The following TTC23L variants were observed in gnomAD, a reference collection of about 807,000 sequenced individuals.
The protein encoded by TTC23L is tetratricopeptide repeat protein 23-like.
Under a neutral mutation model 48.1 loss-of-function variants are expected in TTC23L, and 42 were observed. The ratio of observed to expected loss-of-function variants is 0.87; its 90% CI spans 0.68 to 1.13. The LOEUF is 1.13. Among genes scored for constraint, TTC23L ranks in the 50% most tolerant of loss-of-function variants. The pLI, the probability that TTC23L is intolerant of heterozygous loss-of-function variation, is 0.00. For missense variants in TTC23L, 391 were observed against 421.0 expected (o/e 0.93, Z 0.62); for synonymous variants, 159 against 157.2 (o/e 1.01, Z -0.09).
chr5:34,925,177 A>C, the TTC23L span: 63 of 1,500,312 alleles, frequency 4.2e-5, no homozygotes, highest in Non-Finnish European at 5.6e-5. Context: ...CTTATATAAA[A>C]TGTTTATTTT....
intron 8 of TTC23L, chr5:34,869,561 C>T (rs929586123): frequency 6.2e-6 from 1 of 162,048 alleles, no homozygotes; most frequent in Non-Finnish European, 1.4e-5. Flanking sequence ...GGGAGAGACA[C>T]AAATGAACCA....
At chr5:34,866,096 A>G (rs1761031918) in intron 6 of TTC23L, among the ~76,000 whole-genome samples, 1 of 152,228 alleles carries the variant, frequency 6.6e-6, no homozygotes, top group South Asian at 2.1e-4. Flanking sequence ...GTCTCTGGAA[A>G]GATAAACCTC....
chr5:34,914,149 T>C, the TTC23L span: 8 of 320,428 alleles, frequency 2.5e-5, no homozygotes, highest in Non-Finnish European at 3.8e-5. Flanking sequence ...AAATATTACT[T>C]TGGAAGAACA....
At chr5:34,865,632 T>C (rs1046089234) in intron 6 of TTC23L, among the ~76,000 whole-genome samples, 5 of 152,264 alleles carry the variant, frequency 3.3e-5, no homozygotes, top group African/African-American at 1.2e-4. Flanking sequence ...AACTACATAC[T>C]AGACACTGTT....
At chr5:34,896,713 C>G in intron 9 of TTC23L, 57 bp from the exon 10 acceptor site, 2 of 756,380 alleles carry the variant, frequency 2.6e-6, no homozygotes, top group Admixed American at 3.6e-5. Context: ...GAGAGACAAT[C>G]TATGAGAATT....
chr5:34,913,128 C>T, the TTC23L span, among the ~76,000 whole-genome samples: 444 of 152,142 alleles, frequency 2.9e-3, 15 homozygotes, highest in East Asian at 0.048. Context: ...CACTAACTAG[C>T]GGAGTAATTC....
intron 7 of TTC23L, chr5:34,868,178 T>C (rs1240547791): frequency 6.6e-6 from 1 of 152,148 alleles, no homozygotes; most frequent in African/African-American, 2.4e-5. Flanking sequence ...AGCTAAGAAA[T>C]AGTAAAGCAG....
intron 9 of TTC23L, among the ~76,000 whole-genome samples, chr5:34,895,996 A>G (rs934198685): frequency 1.3e-5 from 2 of 152,220 alleles, no homozygotes; most frequent in Admixed American, 1.3e-4. Flanking sequence ...TGAGGAGCAC[A>G]ATCTGCTCCA....
intron 1 of TTC23L, among the ~76,000 whole-genome samples, chr5:34,839,949 C>T (rs1758467100): frequency 6.6e-6 from 1 of 152,148 alleles, no homozygotes; most frequent in Admixed American, 6.5e-5. Flanking sequence ...GCTCTGTCGC[C>T]CAGGCTGGAG....
chr5:34,915,718 G>A, the TTC23L span: 1 of 1,589,330 alleles, frequency 6.3e-7, no homozygotes, highest in African/African-American at 1.3e-5. Context: ...AGGAGGCCAA[G>A]AGCGCGGGCG....
At chr5:34,879,144 G>A (rs1255976053) in intron 8 of TTC23L, among the ~76,000 whole-genome samples, 1 of 152,198 alleles carries the variant, frequency 6.6e-6, no homozygotes, top group Non-Finnish European at 1.5e-5. Context: ...TAACAAATGT[G>A]TGCACATGGG....
intron 9 of TTC23L, among the ~76,000 whole-genome samples, chr5:34,890,501 G>T (rs115911159): frequency 3.4e-5 from 5 of 147,240 alleles, no homozygotes; most frequent in Non-Finnish European, 7.5e-5. Context: ...GCTGGTAAAT[G>T]TAAGATTTGA....
At chr5:34,860,248 A>G (rs1411227022) in intron 4 of TTC23L, among the ~76,000 whole-genome samples, 1 of 152,142 alleles carries the variant, frequency 6.6e-6, no homozygotes, top group African/African-American at 2.4e-5. Flanking sequence ...CAGCACACAT[A>G]CATACACACA....
intron 9 of TTC23L, among the ~76,000 whole-genome samples, chr5:34,882,070 A>G (rs1017110920): frequency 6.6e-6 from 1 of 152,174 alleles, no homozygotes; most frequent in African/African-American, 2.4e-5. Flanking sequence ...GAAGATTAAC[A>G]TGAGATCCCA....
At chr5:34,883,374 A>G (rs913203928) in intron 9 of TTC23L, 1 of 152,372 alleles carries the variant, frequency 6.6e-6, no homozygotes, top group African/African-American at 2.4e-5. Context: ...GGCCTCATGA[A>G]ACTTCTGAAA....
intron 9 of TTC23L, among the ~76,000 whole-genome samples, chr5:34,887,706 A>C (rs1762623550): frequency 6.6e-6 from 1 of 152,214 alleles, no homozygotes; most frequent in African/African-American, 2.4e-5. Flanking sequence ...AGAGTGAAAG[A>C]AGAGAGGGGT....
chr5:34,845,554 G>A (rs1399369843), exon 3 of TTC23L: 1 of 1,613,970 alleles, frequency 6.2e-7, no homozygotes, highest in South Asian at 1.1e-5. Context: ...TGGGTGTGGA[G>A]AGAGTGAAGA....
At chr5:34,845,739 T>G (rs1034596424) in intron 3 of TTC23L, 66 bp downstream of exon 3, 1 of 1,434,294 alleles carries the variant, frequency 7.0e-7, no homozygotes, top group African/African-American at 1.4e-5. Flanking sequence ...AGAGAAGCTT[T>G]GCCTTCGATG....
chr5:34,911,837 G>T, the TTC23L span: 1 of 1,610,746 alleles, frequency 6.2e-7, no homozygotes, highest in South Asian at 1.1e-5. Flanking sequence ...AGTCATACTT[G>T]GCCTTAGCTT....
Sources: allele counts gnomAD v4.1 joint callset (sites outside exome capture counted in the v4.1 genomes callset), GRCh38; gene constraint gnomAD v4.1.1; transcripts MANE v1.5; gene names NCBI Gene and HGNC (gene_info 2026-07-23, HGNC 2026-07-21).